The following ADAM12 variants were observed in gnomAD, a reference collection of about 807,000 sequenced individuals.
The protein encoded by ADAM12 is ADAM metallopeptidase domain 12, also known as disintegrin and metalloproteinase domain-containing protein 12.
ADAM12 carries 70 observed loss-of-function variants against 106.4 expected under a neutral mutation model. That is an observed-to-expected ratio of 0.66 (90% CI 0.54 to 0.80). The LOEUF (loss-of-function observed/expected upper bound fraction) is 0.80. Ranked by LOEUF, ADAM12 falls within the 30% of genes least tolerant of loss-of-function variation. ADAM12 has a pLI of 0.00. For synonymous variants in ADAM12, 420 were observed against 433.5 expected (o/e 0.97, Z 0.39); for missense variants, 1,010 against 1,171.9 (o/e 0.86, Z 2.02).
chr10:126,132,015 C>T (rs1455076091), intron 5 of ADAM12, among the ~76,000 whole-genome samples: 1 of 148,648 alleles, frequency 6.7e-6, no homozygotes, highest in Non-Finnish European at 1.5e-5. Context: ...CTTACTCTGT[C>T]ACCAGGTTGG....
rs998032594 is a variant in ADAM12, at chr10:126,064,070, G to A, written c.1609+736C>T. ...ACTGACATTTGGTCTCAGAGTTTGA[G>A]CATCATCTTCTGTAAAGCTTCATAG... On this transcript the variant is annotated intron_variant, in intron 14 of 22. Transcript: ENST00000448723. This position sits in a 1 kb window ranked among gnomAD's most constrained non-coding sequence, Gnocchi z 4.4. 2.6e-5 allele frequency among the ~76,000 whole-genome samples: 4 copies of A among 152,226 alleles called. No individual in the cohort carries two copies. Among genetic ancestry groups the A allele is most frequent in the African/African-American group, 7.2e-5 (3 of 41,470 alleles).
intron 1 of ADAM12, among the ~76,000 whole-genome samples, chr10:126,378,637 T>C (rs1856381354): frequency 6.6e-6 from 1 of 152,128 alleles, no homozygotes; most frequent in Non-Finnish European, 1.5e-5. Flanking sequence ...AAAGGAAGAC[T>C]GAGATAAAAT....
chr10:126,041,631 T>C, intron 18 of ADAM12: 1 of 987,218 alleles, frequency 1.0e-6, no homozygotes, highest in Non-Finnish European at 1.2e-6. Context: ...TCTGATAAAT[T>C]AAAAACTAAA....
At position 126,376,185 on chromosome 10, in the gene ADAM12, C is replaced by T. The variant is rs116863696; in HGVS notation, c.88+11873G>A. 1.2e-3 allele frequency among the ~76,000 whole-genome samples: 179 copies of T among 152,102 alleles called. 1 individual carries two copies. Among genetic ancestry groups the T allele is most frequent in the Non-Finnish European group, 2.0e-3 (136 of 67,992 alleles). ...GATTATTCTCTTAGAATTTCTATGA[C>T]GTCAATCTACAGACAAACTATTAGA... On this transcript the variant is annotated intron_variant, in intron 1 of 22. Coordinates refer to ENST00000448723, the MANE Select transcript of ADAM12 (RefSeq NM_001288973.2).
chr10:126,386,679 A>T (rs1175502053), intron 1 of ADAM12, among the ~76,000 whole-genome samples: 1 of 152,240 alleles, frequency 6.6e-6, no homozygotes, highest in East Asian at 1.9e-4. Context: ...TCTTCCAAAA[A>T]AAAAATTTGT....
chr10:126,307,010 T>G (rs964147865), intron 2 of ADAM12, among the ~76,000 whole-genome samples: 21 of 152,340 alleles, frequency 1.4e-4, no homozygotes, highest in African/African-American at 5.0e-4. Context: ...GTTACACTTT[T>G]CACCGTTCCA....
chr10:126,375,099 C>T (rs1856236532), intron 1 of ADAM12, among the ~76,000 whole-genome samples: 1 of 151,888 alleles, frequency 6.6e-6, no homozygotes, highest in Non-Finnish European at 1.5e-5. Context: ...TTTGGTTATC[C>T]ATACATACCT....
intron 1 of ADAM12, among the ~76,000 whole-genome samples, chr10:126,387,025 T>C (rs1038641910): frequency 1.3e-5 from 2 of 152,140 alleles, no homozygotes; most frequent in African/African-American, 4.8e-5. Context: ...AGGGCAGCAG[T>C]GGCAATCGCA....
At chr10:126,375,081 A>C (rs143686149) in intron 1 of ADAM12, among the ~76,000 whole-genome samples, 1 of 152,048 alleles carries the variant, frequency 6.6e-6, no homozygotes, top group African/African-American at 2.4e-5. Flanking sequence ...AAAATCGCCA[A>C]CCTCTGGTTT....
At chr10:126,138,348 G>A (rs915125331) in intron 4 of ADAM12, among the ~76,000 whole-genome samples, 5 of 151,938 alleles carry the variant, frequency 3.3e-5, no homozygotes, top group African/African-American at 1.2e-4. Flanking sequence ...TTTATGGGTT[G>A]TCCTTTTACT....
chr10:126,302,432 G>T lies in ADAM12; in HGVS notation c.187-23444C>A, dbSNP rs73386720. ...GAAAGTAATTGGTCTTTTATTATAC[G>T]ATACTTTGAATGGGATCAATGTGTT... On this transcript the variant is annotated intron_variant, in intron 2 of 22. Coordinates refer to ENST00000448723, the MANE Select transcript of ADAM12 (RefSeq NM_001288973.2). Among the ~76,000 whole-genome samples the T allele has an allele frequency of 2.6e-3, 397 of 152,204 alleles. 5 individuals carry two copies. Among genetic ancestry groups the T allele is most frequent in the African/African-American group, 8.7e-3 (362 of 41,524 alleles).
chr10:126,301,086 G>A (rs1960601748), intron 2 of ADAM12, among the ~76,000 whole-genome samples: 3 of 152,202 alleles, frequency 2.0e-5, no homozygotes, highest in Admixed American at 1.3e-4. Flanking sequence ...GATGCTACTG[G>A]CAACCAGTGG....
Position 126,142,782 on chromosome 10 carries a change from A to G in ADAM12, c.340-7122T>C, listed in dbSNP as rs142064182. Among the ~76,000 whole-genome samples the G allele has an allele frequency of 1.5e-3, 233 of 152,302 alleles. 1 individual carries two copies. The highest frequency in any genetic ancestry group is 2.5e-3 in the Non-Finnish European group (169 of 68,016). ...AGAAGGTGAAGTCATTTCCAAACTC[A>G]GAGAAAAGCCCATAAATAGGAGGGG... On this transcript the variant is annotated intron_variant, in intron 4 of 22. Transcript: ENST00000448723.
chr10:126,249,234 TA>T (rs1958694137), intron 3 of ADAM12, among the ~76,000 whole-genome samples: 1 of 152,106 alleles, frequency 6.6e-6, no homozygotes, highest in Non-Finnish European at 1.5e-5. Flanking sequence ...TTTCCCCTAC[TA>T]AAATGTAGCC....
chr10:126,029,973 C>A (rs116614055), intron 21 of ADAM12, among the ~76,000 whole-genome samples: 3,162 of 152,262 alleles, frequency 0.021, 96 homozygotes, highest in African/African-American at 0.068. Context: ...GACTTTTGCA[C>A]AGCAATTGTG....
At chr10:126,045,130 C>T (rs12267161) in intron 17 of ADAM12, among the ~76,000 whole-genome samples, 8,577 of 152,256 alleles carry the variant, frequency 0.056, 801 homozygotes, top group African/African-American at 0.19. Context: ...AGCTTGCCGG[C>T]CATATTACCT....
chr10:126,094,205 C>A, intron 10 of ADAM12, 72 bp from the exon 11 acceptor site: 3 of 1,449,694 alleles, frequency 2.1e-6, no homozygotes, highest in Non-Finnish European at 2.8e-6. Flanking sequence ...TCTCCCTCCC[C>A]ACAGAAATAT....
intron 16 of ADAM12, among the ~76,000 whole-genome samples, chr10:126,046,632 G>A (rs953692816): frequency 1.3e-5 from 2 of 151,438 alleles, no homozygotes; most frequent in Admixed American, 1.3e-4. Context: ...GTGAAACCCT[G>A]TCTCTACTGA....
intron 3 of ADAM12, among the ~76,000 whole-genome samples, chr10:126,175,603 G>A (rs566242569): frequency 1.3e-5 from 2 of 152,210 alleles, no homozygotes; most frequent in African/African-American, 4.8e-5. Context: ...AACAATCGAG[G>A]AATGGTACAA....
Sources: allele counts gnomAD v4.1 joint callset (sites outside exome capture counted in the v4.1 genomes callset), GRCh38; gene constraint gnomAD v4.1.1; non-coding constraint Gnocchi (gnomAD v3.1); transcripts MANE v1.5; gene names NCBI Gene and HGNC (gene_info 2026-07-23, HGNC 2026-07-21).